Variants in GLI3 observed in about 807,000 individuals in gnomAD.
The protein encoded by GLI3 is GLI family zinc finger 3.
In GLI3, 20 loss-of-function variants were observed where a neutral mutation model predicts 100.8. That is an observed-to-expected ratio of 0.20 (90% CI 0.14 to 0.29). The LOEUF is 0.29. Ranked by LOEUF, GLI3 falls within the 10% of genes least tolerant of loss-of-function variation. The pLI, the probability that GLI3 is intolerant of heterozygous loss-of-function variation, is 1.00. For missense variants in GLI3, 2,040 were observed against 2,128.5 expected (o/e 0.96, Z 0.82); for synonymous variants, 938 against 860.5 (o/e 1.09, Z -1.58).
At chr7:42,150,932 G>A (rs978888775) in intron 2 of GLI3, among the ~76,000 whole-genome samples, 1 of 152,096 alleles carries the variant, frequency 6.6e-6, no homozygotes, top group Non-Finnish European at 1.5e-5. Flanking sequence ...GGAGTGGGGA[G>A]GGTGAGTGGA....
intron 10 of GLI3, among the ~76,000 whole-genome samples, chr7:41,994,939 G>A (rs896510766): frequency 6.6e-6 from 1 of 152,182 alleles, no homozygotes; most frequent in Non-Finnish European, 1.5e-5. Context: ...TTAATTTAGT[G>A]TGGTTATACC....
At chr7:41,994,409 A>G (rs1418698577) in intron 10 of GLI3, among the ~76,000 whole-genome samples, 1 of 152,224 alleles carries the variant, frequency 6.6e-6, no homozygotes, top group African/African-American at 2.4e-5. Flanking sequence ...AAGAGTCAAA[A>G]AAGGGAAGTA....
chr7:41,998,093 G>A (rs1239271145), intron 10 of GLI3, among the ~76,000 whole-genome samples: 1 of 152,146 alleles, frequency 6.6e-6, no homozygotes, highest in African/African-American at 2.4e-5. Flanking sequence ...TTGTCATTAA[G>A]CTGGCTCCAC....
At chr7:42,045,551 T>C (rs1784228841) in intron 5 of GLI3, 21 bp from the exon 6 acceptor site, 2 of 1,612,698 alleles carry the variant, frequency 1.2e-6, no homozygotes, top group African/African-American at 2.7e-5. Context: ...ACAAGAGATG[T>C]ATGGTTACTA....
intron 10 of GLI3, among the ~76,000 whole-genome samples, chr7:41,992,430 C>T (rs75337503): frequency 0.054 from 8,292 of 152,154 alleles, 313 homozygotes; most frequent in Non-Finnish European, 0.082. Flanking sequence ...AGAGATCCCA[C>T]AGAGAAGACA....
intron 10 of GLI3, among the ~76,000 whole-genome samples, chr7:41,988,231 G>A (rs1486098540): frequency 6.6e-6 from 1 of 152,140 alleles, no homozygotes; most frequent in Non-Finnish European, 1.5e-5. Context: ...GGAGGCCAAG[G>A]CGGGTGGATC....
chr7:42,060,871 A>T (rs1361015578), intron 4 of GLI3, among the ~76,000 whole-genome samples: 1 of 152,150 alleles, frequency 6.6e-6, no homozygotes, highest in Non-Finnish European at 1.5e-5. Context: ...ATCCATCATG[A>T]TTTCCTTTAG....
chr7:42,165,888 G>T (rs536367147), intron 2 of GLI3, among the ~76,000 whole-genome samples: 1 of 152,270 alleles, frequency 6.6e-6, no homozygotes, highest in African/African-American at 2.4e-5. Context: ...CAGATGCTTG[G>T]CAAATCCAAA....
chr7:42,198,309 C>T (rs563589152), intron 2 of GLI3, among the ~76,000 whole-genome samples: 27 of 152,252 alleles, frequency 1.8e-4, no homozygotes, highest in South Asian at 1.5e-3. Context: ...GGAAATGTGA[C>T]GGGAAGCCCT....
chr7:42,259,113 T>C (rs1191589548), intron 1 of GLI3, among the ~76,000 whole-genome samples: 1 of 152,210 alleles, frequency 6.6e-6, no homozygotes, highest in Non-Finnish European at 1.5e-5. Context: ...AACTTGTTCA[T>C]CATCTAGTTC....
intron 3 of GLI3, among the ~76,000 whole-genome samples, chr7:42,141,299 G>A (rs932843523): frequency 2.6e-5 from 4 of 152,196 alleles, no homozygotes; most frequent in African/African-American, 9.7e-5. Context: ...CAGCTCTCCT[G>A]TGTTAATCTT....
At chr7:42,166,521 G>T (rs1233337055) in intron 2 of GLI3, among the ~76,000 whole-genome samples, 1 of 152,000 alleles carries the variant, frequency 6.6e-6, no homozygotes, top group Non-Finnish European at 1.5e-5. Context: ...TGGCAATGGG[G>T]CCCCAAGAAA....
chr7:41,987,401 T>G (rs553385996), intron 10 of GLI3, among the ~76,000 whole-genome samples: 1 of 152,298 alleles, frequency 6.6e-6, no homozygotes, highest in Non-Finnish European at 1.5e-5. Context: ...GCTCCTGACC[T>G]CATGATCCAC....
chr7:42,175,417 A>C (rs1247611799), intron 2 of GLI3, among the ~76,000 whole-genome samples: 1 of 152,210 alleles, frequency 6.6e-6, no homozygotes, highest in Non-Finnish European at 1.5e-5. Context: ...CAGGAGTTCG[A>C]GACCAGCCTG....
In GLI3 at chr7:42,001,802, C is replaced by CT. The variant is rs563170029; in HGVS notation, c.1497+21665dup. Among the ~76,000 whole-genome samples the CT allele has an allele frequency of 9.1e-4, 139 of 152,052 alleles. 1 individual carries two copies. The highest frequency in any genetic ancestry group is 2.5e-3 in the South Asian group (12 of 4,810). ...ATAATTAATCATTTTACAATAATAA[C>CT]TGAGTCTACTGCATTAATTGATAAA... is the stretch of plus-strand genomic sequence containing the variant. On this transcript the variant is annotated intron_variant, in intron 10 of 14. Coordinates refer to ENST00000395925, the MANE Select transcript of GLI3 (RefSeq NM_000168.6).
intron 12 of GLI3, among the ~76,000 whole-genome samples, chr7:41,975,702 C>T (rs536219368): frequency 6.6e-6 from 1 of 152,252 alleles, no homozygotes. Context: ...AGCAAACAGA[C>T]ATGTACAAAT....
chr7:42,095,403 A>T (rs1785317202), intron 3 of GLI3, among the ~76,000 whole-genome samples: 1 of 152,206 alleles, frequency 6.6e-6, no homozygotes, highest in Admixed American at 6.5e-5. Flanking sequence ...GAATGATCAA[A>T]CACATCTTTT....
At chr7:42,184,771 G>C (rs768572773) in intron 2 of GLI3, among the ~76,000 whole-genome samples, 1 of 151,944 alleles carries the variant, frequency 6.6e-6, no homozygotes, top group Non-Finnish European at 1.5e-5. Flanking sequence ...GGAATTATTA[G>C]ATCAATAACT....
chr7:42,198,729 C>A lies in GLI3; in HGVS notation c.124+24401G>T, dbSNP rs147054823. On this transcript the variant is annotated intron_variant, in intron 2 of 14. Coordinates refer to ENST00000395925, the MANE Select transcript of GLI3 (RefSeq NM_000168.6). Reference sequence around the variant, plus strand: ...AAAATCAGTACTTCCCTCTAGGGCGCAACTTTGATACCTCCTTGAGATGCA... The same window carrying A: ...AAAATCAGTACTTCCCTCTAGGGCGAAACTTTGATACCTCCTTGAGATGCA... Among the ~76,000 whole-genome samples, 986 of 151,974 alleles carry A rather than the reference C, an allele frequency of 6.5e-3. 15 individuals are homozygous for A. Among genetic ancestry groups the A allele is most frequent in the African/African-American group, 0.023 (942 of 41,450 alleles).
Sources: allele counts gnomAD v4.1 joint callset (sites outside exome capture counted in the v4.1 genomes callset), GRCh38; gene constraint gnomAD v4.1.1; transcripts MANE v1.5; gene names NCBI Gene and HGNC (gene_info 2026-07-23, HGNC 2026-07-21).